Variants in SLIT3 observed in about 807,000 individuals in gnomAD.
The protein encoded by SLIT3 is slit guidance ligand 3.
SLIT3 carries 68 observed loss-of-function variants against 184.0 expected under a neutral mutation model. That is an observed-to-expected ratio of 0.37 (90% CI 0.30 to 0.45). The LOEUF (loss-of-function observed/expected upper bound fraction) is 0.45, where lower values mean the gene tolerates loss of function less well. SLIT3 is among the 20% of genes least tolerant of loss of function. The pLI is 1.00. For synonymous variants in SLIT3, 831 were observed against 828.6 expected (o/e 1.00, Z -0.05); for missense variants, 1,707 against 2,026.0 (o/e 0.84, Z 3.02).
At chr5:169,140,181 G>A (rs927643332) in intron 4 of SLIT3, among the ~76,000 whole-genome samples, 4 of 151,902 alleles carry the variant, frequency 2.6e-5, no homozygotes, top group Admixed American at 1.3e-4. Context: ...AAAGAGCTCC[G>A]GGGCCAGGTG....
intron 20 of SLIT3, among the ~76,000 whole-genome samples, chr5:168,733,516 T>C (rs538093325): frequency 2.0e-5 from 3 of 152,116 alleles, no homozygotes; most frequent in Non-Finnish European, 2.9e-5. Flanking sequence ...CTATTCACGA[T>C]AGCAAAGATA....
intron 23 of SLIT3, among the ~76,000 whole-genome samples, chr5:168,714,559 G>C (rs1446804538): frequency 6.6e-6 from 1 of 152,084 alleles, no homozygotes. Flanking sequence ...CTCCAGCCTG[G>C]GCGACAAGAG....
intron 4 of SLIT3, among the ~76,000 whole-genome samples, chr5:169,071,313 C>T (rs753281125): frequency 6.6e-6 from 1 of 152,162 alleles, no homozygotes; most frequent in Non-Finnish European, 1.5e-5. Context: ...TCTTTATAAA[C>T]AGAAGCAACC....
At chr5:169,285,535 C>G (rs1767126637) in intron 1 of SLIT3, among the ~76,000 whole-genome samples, 3 of 152,296 alleles carry the variant, frequency 2.0e-5, no homozygotes, top group South Asian at 4.1e-4. Context: ...TGTGGGCAAG[C>G]TTGTACTGTT....
At chr5:169,158,383 AT>A (rs1229360871) in intron 4 of SLIT3, among the ~76,000 whole-genome samples, 1 of 152,136 alleles carries the variant, frequency 6.6e-6, no homozygotes, top group Non-Finnish European at 1.5e-5. Context: ...AGCCAAAAAT[AT>A]CCTTTGGAAT....
At chr5:169,217,808 C>T (rs1189710730) in intron 3 of SLIT3, among the ~76,000 whole-genome samples, 2 of 152,166 alleles carry the variant, frequency 1.3e-5, no homozygotes, top group South Asian at 2.1e-4. Flanking sequence ...GGTCATTAAC[C>T]ATGTGGTAAA....
chr5:169,134,770 G>T (rs1761438260), intron 4 of SLIT3, among the ~76,000 whole-genome samples: 1 of 152,152 alleles, frequency 6.6e-6, no homozygotes, highest in Non-Finnish European at 1.5e-5. Flanking sequence ...AAAAAAGTAG[G>T]CCCTGACCCT....
intron 4 of SLIT3, among the ~76,000 whole-genome samples, chr5:168,925,960 T>G (rs371884329): frequency 2.6e-5 from 4 of 152,332 alleles, no homozygotes; most frequent in African/African-American, 9.6e-5. Context: ...GAATCTCCAC[T>G]GTTTGTTTCA....
At chr5:168,723,365 T>C (rs62377331) in intron 21 of SLIT3, among the ~76,000 whole-genome samples, 8,009 of 142,298 alleles carry the variant, frequency 0.056, 231 homozygotes, top group African/African-American at 0.093. Context: ...CCCACTTATC[T>C]ACTCACTCAT....
At chr5:168,698,466 A>G (rs1762122628) in intron 27 of SLIT3, among the ~76,000 whole-genome samples, 2 of 152,116 alleles carry the variant, frequency 1.3e-5, no homozygotes, top group Non-Finnish European at 2.9e-5. Context: ...AAGAATGCCA[A>G]AGATTGCCAG....
chr5:169,194,898 A>T (rs2113473879), intron 3 of SLIT3, among the ~76,000 whole-genome samples: 1 of 152,298 alleles, frequency 6.6e-6, no homozygotes, highest in Non-Finnish European at 1.5e-5. Context: ...GGGCCAAGAG[A>T]GACGCCCTGC....
At chr5:169,233,023 T>C (rs1765061211) in intron 3 of SLIT3, among the ~76,000 whole-genome samples, 1 of 149,486 alleles carries the variant, frequency 6.7e-6, no homozygotes. Context: ...CTGGTATATA[T>C]ACACATATAT....
chr5:169,218,618 G>C (rs1326809181), intron 3 of SLIT3, among the ~76,000 whole-genome samples: 1 of 152,248 alleles, frequency 6.6e-6, no homozygotes, highest in African/African-American at 2.4e-5. Flanking sequence ...CCTTAGGCGA[G>C]TGATTTAACA....
chr5:169,152,023 A>G (rs995967223), intron 4 of SLIT3, among the ~76,000 whole-genome samples: 6 of 152,200 alleles, frequency 3.9e-5, no homozygotes, highest in African/African-American at 1.4e-4. Flanking sequence ...TGAGATCTCA[A>G]TACTTGCTGT....
chr5:168,862,803 T>G (rs924279091), intron 5 of SLIT3, among the ~76,000 whole-genome samples: 1 of 151,992 alleles, frequency 6.6e-6, no homozygotes, highest in Non-Finnish European at 1.5e-5. Flanking sequence ...GCTTCCCGAG[T>G]AGCTGGGACT....
At chr5:169,073,780 A>G (rs1758637930) in intron 4 of SLIT3, among the ~76,000 whole-genome samples, 1 of 152,066 alleles carries the variant, frequency 6.6e-6, no homozygotes, top group African/African-American at 2.4e-5. Flanking sequence ...TTCTGCAATG[A>G]TTGTAAACTC....
chr5:169,115,461 T>C (rs1760625653), intron 4 of SLIT3, among the ~76,000 whole-genome samples: 1 of 152,138 alleles, frequency 6.6e-6, no homozygotes, highest in Non-Finnish European at 1.5e-5. Flanking sequence ...TTAATTCTTA[T>C]GATAACCCTG....
At chr5:168,884,691 AT>A (rs1760124278) in intron 4 of SLIT3, among the ~76,000 whole-genome samples, 2 of 151,006 alleles carry the variant, frequency 1.3e-5, no homozygotes, top group African/African-American at 2.4e-5. Flanking sequence ...TGATATCAAC[AT>A]TTTTAATGGT....
chr5:168,823,227 A>C, intron 7 of SLIT3, 33 bp downstream of exon 7: 1 of 1,577,114 alleles, frequency 6.3e-7, no homozygotes, highest in Non-Finnish European at 8.7e-7. Context: ...AGGTAGGGAG[A>C]AAATGGGAGA....
Sources: gnomAD v4.1 joint callset for allele counts (sites outside exome capture counted in the v4.1 genomes callset) on GRCh38, gnomAD v4.1.1 for gene constraint, MANE v1.5 for transcripts, NCBI Gene and HGNC (gene_info 2026-07-23, HGNC 2026-07-21) for gene names.